Variants in UST observed in about 807,000 individuals in gnomAD.
The protein encoded by UST is chondroitin sulfate 2-O-sulfotransferase.
In UST, 21 loss-of-function variants were observed where a neutral mutation model predicts 45.6. That is an observed-to-expected ratio of 0.46 (90% CI 0.33 to 0.66). UST has a LOEUF of 0.66. Among genes scored for constraint, UST ranks in the 30% least tolerant of loss-of-function variants. UST has a pLI of 0.02. For synonymous variants in UST, 215 were observed against 200.6 expected (o/e 1.07, Z -0.61); for missense variants, 463 against 512.4 (o/e 0.90, Z 0.93).
intron 2 of UST, among the ~76,000 whole-genome samples, chr6:148,894,844 A>C (rs570734252): frequency 1.9e-5 from 2 of 103,694 alleles, no homozygotes; most frequent in East Asian, 2.9e-4. Flanking sequence ...TTTGAGATGG[A>C]GTCTCGCTCT....
chr6:148,848,594 C>T (rs1778041626), intron 1 of UST, among the ~76,000 whole-genome samples: 1 of 150,910 alleles, frequency 6.6e-6, no homozygotes, highest in Admixed American at 6.6e-5. Context: ...TTGCTTGAAC[C>T]TGGGAGGTGG....
intron 1 of UST, among the ~76,000 whole-genome samples, chr6:148,848,503 T>C (rs1778040033): frequency 6.6e-6 from 1 of 152,034 alleles, no homozygotes; most frequent in Non-Finnish European, 1.5e-5. Flanking sequence ...AAACCCTGTC[T>C]CTACTAAGAA....
chr6:148,910,228 C>A (rs1204674701), intron 2 of UST, among the ~76,000 whole-genome samples: 1 of 151,438 alleles, frequency 6.6e-6, no homozygotes, highest in Non-Finnish European at 1.5e-5. Flanking sequence ...ACAACCTCCG[C>A]CTCCTGGGTT....
At chr6:148,863,137 T>C (rs1778353002) in intron 1 of UST, among the ~76,000 whole-genome samples, 1 of 152,242 alleles carries the variant, frequency 6.6e-6, no homozygotes, top group Non-Finnish European at 1.5e-5. Context: ...GGTACACCAA[T>C]CAGACGTAGA....
chr6:148,946,459 C>T (rs556813327), intron 3 of UST, among the ~76,000 whole-genome samples: 4 of 142,830 alleles, frequency 2.8e-5, no homozygotes, highest in South Asian at 2.3e-4. Context: ...TGCAGTGAGC[C>T]GAAGTTGCAC....
intron 1 of UST, among the ~76,000 whole-genome samples, chr6:148,852,905 C>T (rs1454762887): frequency 1.3e-5 from 2 of 152,160 alleles, no homozygotes; most frequent in Non-Finnish European, 2.9e-5. Context: ...AGGACAGTGC[C>T]TGTCACATGA....
chr6:148,845,510 G>T (rs553858475), intron 1 of UST, among the ~76,000 whole-genome samples: 3 of 152,196 alleles, frequency 2.0e-5, no homozygotes, highest in South Asian at 2.1e-4. Flanking sequence ...TTGTCCTATT[G>T]TTGGGCATTT....
chr6:148,782,166 C>G (rs1776655439), intron 1 of UST, among the ~76,000 whole-genome samples: 1 of 151,782 alleles, frequency 6.6e-6, no homozygotes, highest in African/African-American at 2.4e-5. Context: ...ATAGTGATTC[C>G]TCTGATGGAT....
chr6:148,980,678 T>G (rs1316697173), intron 5 of UST, among the ~76,000 whole-genome samples: 1 of 152,162 alleles, frequency 6.6e-6, no homozygotes, highest in Non-Finnish European at 1.5e-5. Flanking sequence ...ATCTCTATTC[T>G]TGTCCTTATG....
chr6:149,039,756 T>C (rs761753000), intron 7 of UST, among the ~76,000 whole-genome samples: 5 of 152,222 alleles, frequency 3.3e-5, no homozygotes, highest in Admixed American at 6.5e-5. Flanking sequence ...AAACTGTCGC[T>C]GTGGCCCCTT....
intron 5 of UST, among the ~76,000 whole-genome samples, chr6:148,998,062 C>T (rs972735270): frequency 4.6e-5 from 7 of 152,132 alleles, no homozygotes; most frequent in Admixed American, 2.6e-4. Context: ...TGAAAGAAAA[C>T]GAAATTCTGA....
chr6:148,997,284 G>C (rs936076351), intron 5 of UST, among the ~76,000 whole-genome samples: 1 of 152,188 alleles, frequency 6.6e-6, no homozygotes, highest in African/African-American at 2.4e-5. Flanking sequence ...ATGTAGTCAT[G>C]TTTTATTTTA....
chr6:148,772,037 G>A (rs1776438367), intron 1 of UST, among the ~76,000 whole-genome samples: 1 of 152,150 alleles, frequency 6.6e-6, no homozygotes. Context: ...TCATGAGGCT[G>A]CACTATACAT....
rs116524419 is a variant in UST, at chr6:149,059,247, G to A, written c.938-14586G>A. ...TGTTCAAGTCTAGGCATTAGGATCT[G>A]AGGGTGAGGTTGGGAGGCTCCCACA... On this transcript the variant is annotated intron_variant, in intron 7 of 7. Transcript: ENST00000367463. Among the ~76,000 whole-genome samples, 609 of 152,356 alleles carry A rather than the reference G, an allele frequency of 4.0e-3. 2 individuals carry two copies. The highest frequency in any genetic ancestry group is 0.014 in the African/African-American group (589 of 41,588).
intron 1 of UST, among the ~76,000 whole-genome samples, chr6:148,883,008 ATG>A (rs1005094734): frequency 6.6e-6 from 1 of 152,238 alleles, no homozygotes; most frequent in African/African-American, 2.4e-5. Context: ...TCTTCTTACC[ATG>A]CTGAGGAACT....
At chr6:148,986,318 A>AT (rs1404853056) in intron 5 of UST, among the ~76,000 whole-genome samples, 2 of 152,216 alleles carry the variant, frequency 1.3e-5, no homozygotes, top group Non-Finnish European at 2.9e-5. Flanking sequence ...TGGTATTATT[A>AT]TACCTGTTTT....
chr6:148,747,209 C>T lies in UST; in HGVS notation c.-222C>T, dbSNP rs1337725718. On this transcript the variant is annotated 5_prime_UTR_variant, in exon 1 of 8. Transcript: ENST00000367463. The stretch of plus-strand genomic sequence containing the variant: ...GCGGCGCCCCGTCACGGGCAGCGCC[C>T]CGAACCGGGGCCGGACACCTCGGCC... 1 of 357,418 alleles carries T rather than the reference C, an allele frequency of 2.8e-6. No homozygotes were observed. Among genetic ancestry groups the T allele is most frequent in the African/African-American group, 2.1e-5 (1 of 46,756 alleles). 22.1% of individuals were successfully genotyped at this position (357,418 alleles called of 1,614,324 possible). A position where few individuals can be genotyped will look rare whatever the true frequency, so the allele number is the denominator to read the frequency against.
intron 2 of UST, among the ~76,000 whole-genome samples, chr6:148,909,681 C>T (rs1349411383): frequency 6.6e-6 from 1 of 152,194 alleles, no homozygotes; most frequent in African/African-American, 2.4e-5. Context: ...TGCTGGCAGA[C>T]CACCTCCACT....
At chr6:149,070,894 A>C (rs1776809416) in intron 7 of UST, among the ~76,000 whole-genome samples, 1 of 152,070 alleles carries the variant, frequency 6.6e-6, no homozygotes, top group Non-Finnish European at 1.5e-5. Flanking sequence ...CAGGCTCCCG[A>C]GTAGCTGGGA....
Sources: gnomAD v4.1 joint callset for allele counts (sites outside exome capture counted in the v4.1 genomes callset) on GRCh38, gnomAD v4.1.1 for gene constraint, MANE v1.5 for transcripts, NCBI Gene and HGNC (gene_info 2026-07-23, HGNC 2026-07-21) for gene names.